RUNDC3B: variants seen among roughly 807,000 people sequenced by gnomAD.
The protein encoded by RUNDC3B is RUN domain containing 3B.
Under a neutral mutation model 58.4 loss-of-function variants are expected in RUNDC3B, and 33 were observed. The ratio of observed to expected loss-of-function variants is 0.56; its 90% confidence interval spans 0.43 to 0.75. RUNDC3B has a LOEUF of 0.75. RUNDC3B is among the 30% of genes least tolerant of loss of function. The pLI is 0.00. For missense variants in RUNDC3B, 501 were observed against 535.7 expected (o/e 0.94, Z 0.64); for synonymous variants, 193 against 195.2 (o/e 0.99, Z 0.10).
intron 10 of RUNDC3B, among the ~76,000 whole-genome samples, chr7:87,820,835 A>G (rs1207780042): frequency 1.3e-5 from 2 of 151,816 alleles, no homozygotes; most frequent in Non-Finnish European, 2.9e-5. Context: ...ACAAAATTCA[A>G]CAGCCCTTCA....
At chr7:87,638,365 G>GTA (rs1822045213) in intron 1 of RUNDC3B, among the ~76,000 whole-genome samples, 1 of 151,568 alleles carries the variant, frequency 6.6e-6, no homozygotes, top group South Asian at 2.1e-4. Flanking sequence ...GTGTGTGTGT[G>GTA]TGTGTGTGTG....
chr7:87,702,006 G>T (rs577945175), intron 3 of RUNDC3B, among the ~76,000 whole-genome samples: 1 of 151,584 alleles, frequency 6.6e-6, no homozygotes, highest in African/African-American at 2.4e-5. Context: ...AGCCAGGCGT[G>T]GTGGTGGGCA....
At chr7:87,702,738 A>G (rs1185550694) in intron 3 of RUNDC3B, among the ~76,000 whole-genome samples, 1 of 152,190 alleles carries the variant, frequency 6.6e-6, no homozygotes, top group African/African-American at 2.4e-5. Context: ...GAACATCCCA[A>G]AACTGAAAAT....
At chr7:87,756,460 C>T (rs1283943476) in intron 6 of RUNDC3B, among the ~76,000 whole-genome samples, 1 of 151,686 alleles carries the variant, frequency 6.6e-6, no homozygotes, top group Non-Finnish European at 1.5e-5. Context: ...TTTTCATGTC[C>T]AATATAGCAA....
At chr7:87,723,419 A>C (rs1421205598) in intron 4 of RUNDC3B, among the ~76,000 whole-genome samples, 2 of 152,216 alleles carry the variant, frequency 1.3e-5, no homozygotes, top group African/African-American at 4.8e-5. Flanking sequence ...AATGCCCATT[A>C]GTAAATAAGT....
chr7:87,687,518 CT>C (rs1406910670), intron 2 of RUNDC3B, among the ~76,000 whole-genome samples: 1 of 152,036 alleles, frequency 6.6e-6, no homozygotes, highest in Non-Finnish European at 1.5e-5. Context: ...CTTTCTTCAC[CT>C]CCACTAAAAC....
chr7:87,767,550 G>A (rs1416354774), intron 6 of RUNDC3B, among the ~76,000 whole-genome samples: 7 of 152,212 alleles, frequency 4.6e-5, no homozygotes, highest in Non-Finnish European at 1.0e-4. Context: ...CTGCAAGGCT[G>A]AGAGTGTGTA....
chr7:87,764,569 C>T (rs1833876591), intron 6 of RUNDC3B, among the ~76,000 whole-genome samples: 1 of 151,750 alleles, frequency 6.6e-6, no homozygotes, highest in African/African-American at 2.4e-5. Flanking sequence ...CCTCAGTCTC[C>T]CCACTTTTAG....
At chr7:87,707,471 C>T (rs1829705704) in intron 3 of RUNDC3B, among the ~76,000 whole-genome samples, 2 of 151,992 alleles carry the variant, frequency 1.3e-5, no homozygotes, top group Non-Finnish European at 2.9e-5. Context: ...CTCAGGATTT[C>T]AAGACCATTC....
rs1584053213 is a variant in RUNDC3B, at chr7:87,737,507, T to A, written c.459-2284T>A. On this transcript the variant is annotated intron_variant, in intron 4 of 10. Transcript: ENST00000394654. ...TTCGAGACAGCTTCTACCTCTTTCA[T>A]ACACATGAATGAAGTCTTTGATTAA... is the stretch of plus-strand genomic sequence containing the variant. Among the ~76,000 whole-genome samples the A allele has an allele frequency of 3.3e-5, 5 of 152,180 alleles. No homozygotes were observed. In the South Asian group the frequency reaches 1.0e-3, roughly 31 times the overall value.
chr7:87,736,873 ATATATATATATATATATTTTT>A (rs1195907572), intron 4 of RUNDC3B, among the ~76,000 whole-genome samples: 24 of 37,612 alleles, frequency 6.4e-4, no homozygotes, highest in Admixed American at 1.9e-3. Flanking sequence ...ATATATATAT[ATATATATATATATATATTTTT>A]TTTTTTTTTT....
At position 87,628,891 on chromosome 7, in the gene RUNDC3B, G is replaced by A. The variant is rs200865226; in HGVS notation, c.68G>A (p.Ser23Asn). ...RGGGGGGGKK[S>N]LSARNAAVER... is the part of the protein sequence containing the mutation. ...GGTGGCGGCGGAGGCGGCAAGAAAA[G>A]CCTGAGCGCCCGCAATGCTGCGGTG... The change falls in exon 1 of 11, where the codon AGC becomes AAC. Residue 23 changes from serine to asparagine, a missense_variant. Coordinates refer to ENST00000394654, the MANE Select transcript of RUNDC3B (RefSeq NM_001134405.2). 2.3e-6 allele frequency: 3 copies of A among 1,302,540 alleles called. No individual in the cohort carries two copies. Among genetic ancestry groups the A allele is most frequent in the African/African-American group, 1.5e-5 (1 of 66,420 alleles). 80.7% of individuals were successfully genotyped at this position (1,302,540 alleles called of 1,614,324 possible).
chr7:87,733,214 G>A (rs375706306), intron 4 of RUNDC3B, among the ~76,000 whole-genome samples: 5 of 152,254 alleles, frequency 3.3e-5, no homozygotes, highest in East Asian at 1.9e-4. Context: ...TTTCTGGGAT[G>A]GGAATCTTGG....
intron 8 of RUNDC3B, among the ~76,000 whole-genome samples, chr7:87,791,165 C>T (rs1356648873): frequency 2.0e-5 from 3 of 151,556 alleles, no homozygotes; most frequent in Admixed American, 6.6e-5. Context: ...CTTACAGGTC[C>T]GAAGAGAGTG....
intron 4 of RUNDC3B, among the ~76,000 whole-genome samples, chr7:87,723,426 A>G (rs1055473674): frequency 1.3e-5 from 2 of 152,202 alleles, no homozygotes; most frequent in African/African-American, 4.8e-5. Flanking sequence ...ATTAGTAAAT[A>G]AGTTATAACT....
At chr7:87,777,574 A>G (rs1260754814) in intron 7 of RUNDC3B, among the ~76,000 whole-genome samples, 1 of 152,206 alleles carries the variant, frequency 6.6e-6, no homozygotes, top group African/African-American at 2.4e-5. Context: ...TTTTGCCTCA[A>G]ATTACAGTTT....
intron 6 of RUNDC3B, among the ~76,000 whole-genome samples, chr7:87,751,841 C>A (rs1289583035): frequency 2.6e-5 from 4 of 152,060 alleles, no homozygotes; most frequent in Non-Finnish European, 2.9e-5. Flanking sequence ...TTGACTTCCT[C>A]TTTTCCTAAT....
intron 6 of RUNDC3B, among the ~76,000 whole-genome samples, chr7:87,744,637 AG>A (rs1832538603): frequency 6.6e-6 from 1 of 152,206 alleles, no homozygotes. Context: ...GTTGGTATAT[AG>A]AAGAGTTACT....
intron 4 of RUNDC3B, among the ~76,000 whole-genome samples, chr7:87,727,417 A>T (rs1831301999): frequency 1.3e-5 from 2 of 152,280 alleles, no homozygotes; most frequent in South Asian, 4.1e-4. Context: ...GATACTTTTT[A>T]AAATAGTTCA....
Sources: gnomAD v4.1 joint callset for allele counts (sites outside exome capture counted in the v4.1 genomes callset) on GRCh38, gnomAD v4.1.1 for gene constraint, MANE v1.5 for transcripts, NCBI Gene and HGNC (gene_info 2026-07-23, HGNC 2026-07-21) for gene names.